NUP153: variants seen among roughly 807,000 people sequenced by gnomAD.
The protein encoded by NUP153 is nucleoporin 153.
NUP153 carries 27 observed loss-of-function variants against 134.6 expected under a neutral mutation model. That is an observed-to-expected ratio of 0.20 (90% CI 0.15 to 0.28). NUP153 has a LOEUF of 0.28. Ranked by LOEUF, NUP153 falls within the 10% of genes least tolerant of loss-of-function variation. The pLI is 1.00. For synonymous variants in NUP153, 640 were observed against 623.5 expected (o/e 1.03, Z -0.40); for missense variants, 1,821 against 1,731.3 (o/e 1.05, Z -0.92).
rs181282939 is a variant in NUP153 at position 17,619,863 on chromosome 6, C to T, written c.4175-3168G>A. The stretch of plus-strand genomic sequence containing the variant: ...CTATAATCCTAGCAGTTTGGGAGGC[C>T]GAGGCGGGCAGATCACCTGAGGTCA... On this transcript the variant is annotated intron_variant, in intron 20 of 21. Transcript: ENST00000262077. 1.8e-3 allele frequency among the ~76,000 whole-genome samples: 276 copies of T among 152,048 alleles called. 4 individuals are homozygous for T. The highest frequency in any genetic ancestry group is 2.1e-3 in the Non-Finnish European group (145 of 67,988).
intron 14 of NUP153, among the ~76,000 whole-genome samples, chr6:17,641,203 G>C (rs990657475): frequency 1.3e-5 from 2 of 152,100 alleles, no homozygotes; most frequent in African/African-American, 4.8e-5. Context: ...GTTTCTGTGT[G>C]GGATGGGGAG....
At position 17,640,042 on chromosome 6, in the gene NUP153, G is replaced by C. The variant is rs1192159318; in HGVS notation, c.1743C>G (p.Asn581Lys). The C allele has an allele frequency of 6.3e-7, 1 of 1,599,432 alleles. No homozygotes were observed. The highest frequency in any genetic ancestry group is 8.5e-7 in the Non-Finnish European group (1 of 1,173,942). Residue 581 changes from asparagine (N) to lysine (K), a missense_variant, in exon 15 of 22, where the codon AAC (asparagine) becomes AAG (lysine). Coordinates refer to ENST00000262077, the MANE Select transcript of NUP153 (RefSeq NM_005124.4). ...GTGGTGTCTTCTTACAATTTGTACT[G>C]TTCACTGTAGTGACATGATGAGCTG... Reference protein sequence around the residue: ...SSSAHHVTTVNSTNCKKTPPE... With the variant: ...SSSAHHVTTVKSTNCKKTPPE...
chr6:17,641,723 C>T (rs1765852186), intron 14 of NUP153, among the ~76,000 whole-genome samples: 1 of 151,434 alleles, frequency 6.6e-6, no homozygotes, highest in African/African-American at 2.4e-5. Context: ...GGCGTGGTGG[C>T]AGGCGCCTGT....
chr6:17,637,241 C>A lies in NUP153; in HGVS notation c.2376G>T (p.Arg792Ser). The part of the protein sequence containing the change: ...GTLGFGDKFK[R>S]PIGSWECSVC... ...CTGAACACTCCCAAGATCCAATGGG[C>A]CTTTTGAATTTATCTCCAAATCCTA... The change falls in exon 16 of 22, where the codon AGG (arginine) becomes AGT (serine). Residue 792 changes from arginine to serine, a missense_variant. Physicochemically the swap from Arg to Ser is moderately radical, Grantham distance 110. Coordinates refer to ENST00000262077, the MANE Select transcript of NUP153 (RefSeq NM_005124.4). The A allele has an allele frequency of 6.2e-7, 1 of 1,614,158 alleles. No homozygotes were observed. The highest frequency in any genetic ancestry group is 8.5e-7 in the Non-Finnish European group (1 of 1,180,022).
chr6:17,663,840 T>C (rs1767348715), intron 9 of NUP153, among the ~76,000 whole-genome samples: 1 of 152,158 alleles, frequency 6.6e-6, no homozygotes, highest in Non-Finnish European at 1.5e-5. Flanking sequence ...TTATGGGACA[T>C]TTTATAAGAC....
intron 20 of NUP153, among the ~76,000 whole-genome samples, chr6:17,620,342 T>TA (rs1299762451): frequency 6.6e-6 from 1 of 152,144 alleles, no homozygotes; most frequent in Non-Finnish European, 1.5e-5. Context: ...CAAATCCACG[T>TA]ATTTACAGCC....
At chr6:17,697,173 G>A (rs942080666) in intron 1 of NUP153, among the ~76,000 whole-genome samples, 27 of 152,164 alleles carry the variant, frequency 1.8e-4, no homozygotes, top group African/African-American at 5.1e-4. Flanking sequence ...TTAAAGGAGT[G>A]AATTTTAGAA....
chr6:17,672,833 T>C (rs1216887033), intron 5 of NUP153, among the ~76,000 whole-genome samples: 2 of 152,062 alleles, frequency 1.3e-5, no homozygotes, highest in Non-Finnish European at 2.9e-5. Context: ...AAAAAAACTT[T>C]TTAATTTAGA....
chr6:17,643,280 C>A (rs577723564), intron 14 of NUP153, among the ~76,000 whole-genome samples: 1 of 152,322 alleles, frequency 6.6e-6, no homozygotes, highest in East Asian at 1.9e-4. Flanking sequence ...CAAGACCAGC[C>A]TGGCAACATG....
At chr6:17,626,891 A>C (rs1363677597) in intron 18 of NUP153, among the ~76,000 whole-genome samples, 1 of 152,218 alleles carries the variant, frequency 6.6e-6, no homozygotes, top group Non-Finnish European at 1.5e-5. Flanking sequence ...CCCAGCAACA[A>C]GTATGCCTTT....
chr6:17,624,599 C>G lies in NUP153; in HGVS notation c.4136G>C (p.Ser1379Thr), dbSNP rs766245638. The change falls in exon 20 of 22, where the codon AGT (serine) becomes ACT (threonine). Residue 1379 changes from serine (S) to threonine (T), a missense_variant. Coordinates refer to ENST00000262077, the MANE Select transcript of NUP153 (RefSeq NM_005124.4). Reference protein sequence around the residue: ...SQPPVFGQQPSQSAFGSGTTP... With the variant: ...SQPPVFGQQPTQSAFGSGTTP... The stretch of plus-strand genomic sequence containing the variant: ...TGTTCCAGAGCCAAATGCAGACTGA[C>G]TAGGTTGCTGTCCAAACACAGGGGG... 5.0e-6 allele frequency: 8 copies of G among 1,614,058 alleles called. No homozygotes were observed. Among genetic ancestry groups the G allele is most frequent in the Admixed American group, 3.3e-5 (2 of 60,010 alleles).
At chr6:17,663,225 A>T (rs1767299315) in intron 9 of NUP153, among the ~76,000 whole-genome samples, 1 of 112,790 alleles carries the variant, frequency 8.9e-6, no homozygotes, top group Non-Finnish European at 1.8e-5. Context: ...TGCTAAAAAG[A>T]AAAAAATACA....
Position 17,646,060 on chromosome 6 carries a change from T to A in NUP153, c.1720+7A>T. On this transcript the variant is annotated splice_region_variant and intron_variant, in intron 14 of 21. Transcript: ENST00000262077. Reference sequence around the variant, plus strand: ...TGTATGTTAAAATGTAAGAAATTTTTACTTACCTGAACTACTTATAATTGG... The same window carrying A: ...TGTATGTTAAAATGTAAGAAATTTTAACTTACCTGAACTACTTATAATTGG... 1 of 1,404,010 alleles carries A rather than the reference T, an allele frequency of 7.1e-7. No individual in the cohort carries two copies. Among genetic ancestry groups the A allele is most frequent in the Non-Finnish European group, 1.0e-6 (1 of 1,002,606 alleles). 87.0% of individuals were successfully genotyped at this position (1,404,010 alleles called of 1,614,324 possible).
rs1768145696 is a variant in NUP153 at position 17,675,237 on chromosome 6, G to C, written c.715C>G (p.Leu239Val). 5.6e-6 allele frequency: 9 copies of C among 1,614,106 alleles called. No individual in the cohort carries two copies. The highest frequency in any genetic ancestry group is 1.6e-4 in the Middle Eastern group (1 of 6,062). Reference protein sequence around the residue: ...PAFNLSAFGTLSPSLGNSSIL... With the variant: ...PAFNLSAFGTVSPSLGNSSIL... ...ACCCAGTTAGTACTCACAGGGGAAA[G>C]TGTTCCAAAGGCAGACAAGTTGAAT... Residue 239 changes from leucine to valine, a missense_variant, in exon 4 of 22, where the codon CTT (leucine) becomes GTT (valine). Transcript: ENST00000262077. The surrounding 1 kb of genome is among the most constrained non-coding windows in gnomAD (Gnocchi z 4.4).
At chr6:17,689,425 A>C (rs1769146850) in intron 1 of NUP153, among the ~76,000 whole-genome samples, 9 of 151,858 alleles carry the variant, frequency 5.9e-5, no homozygotes, top group Admixed American at 5.3e-4. Flanking sequence ...ACAAAAAAAA[A>C]CAATCCAACA....
intron 18 of NUP153, among the ~76,000 whole-genome samples, chr6:17,626,601 T>C (rs1764961858): frequency 6.6e-6 from 1 of 152,244 alleles, no homozygotes; most frequent in Non-Finnish European, 1.5e-5. Flanking sequence ...AGTACAGCCT[T>C]TGTGCACTAA....
chr6:17,689,752 C>G (rs971913595), intron 1 of NUP153, among the ~76,000 whole-genome samples: 4 of 151,660 alleles, frequency 2.6e-5, no homozygotes, highest in Admixed American at 1.3e-4. Context: ...CTCAAACTCC[C>G]GACCTCAGGT....
intron 5 of NUP153, among the ~76,000 whole-genome samples, chr6:17,671,753 T>G (rs1767924922): frequency 6.6e-6 from 1 of 152,168 alleles, no homozygotes; most frequent in Non-Finnish European, 1.5e-5. Flanking sequence ...ATACCTATAA[T>G]ACCAGCACTT....
At chr6:17,700,233 A>G (rs1769962959) in intron 1 of NUP153, among the ~76,000 whole-genome samples, 1 of 151,190 alleles carries the variant, frequency 6.6e-6, no homozygotes, top group Non-Finnish European at 1.5e-5. Context: ...TCAAATTTCA[A>G]TTGCATATAT....
Sources: allele counts gnomAD v4.1 joint callset (sites outside exome capture counted in the v4.1 genomes callset), GRCh38; gene constraint gnomAD v4.1.1; non-coding constraint Gnocchi (gnomAD v3.1); transcripts MANE v1.5; gene names NCBI Gene and HGNC (gene_info 2026-07-23, HGNC 2026-07-21).